Variants in HCRTR2 observed in about 807,000 individuals in gnomAD.
The protein encoded by HCRTR2 is hypocretin receptor 2.
In HCRTR2, 22 loss-of-function variants were observed where a neutral mutation model predicts 49.0. The ratio of observed to expected loss-of-function variants is 0.45; its 90% CI spans 0.32 to 0.64. The LOEUF is 0.64. HCRTR2 is among the 30% of genes least tolerant of loss of function. The pLI is 0.04. For synonymous variants in HCRTR2, 236 were observed against 205.3 expected, an observed-to-expected ratio of 1.15 and a Z score of -1.28; for missense variants, 491 against 559.4, an observed-to-expected ratio of 0.88 and a Z score of 1.23.
chr6:55,172,502 G>A (rs1319600854), upstream of HCRTR2, among the ~76,000 whole-genome samples: 1 of 152,040 alleles, frequency 6.6e-6, no homozygotes, highest in Non-Finnish European at 1.5e-5. Flanking sequence ...ATAATAAAAT[G>A]CCCATTGATG....
chr6:55,210,817 G>A (rs560212248), intron 1 of HCRTR2, among the ~76,000 whole-genome samples: 8 of 152,188 alleles, frequency 5.3e-5, no homozygotes, highest in Non-Finnish European at 1.0e-4. Context: ...ATTTTGTTGG[G>A]TACAATCTGA....
In HCRTR2 at chr6:55,248,810, A is replaced by G. The variant is rs1355406258; in HGVS notation, c.395A>G (p.Tyr132Cys). The G allele has an allele frequency of 1.9e-6, 3 of 1,612,648 alleles. No homozygotes were observed. In the South Asian group the frequency reaches 3.3e-5, roughly 18 times the overall value. The change falls in exon 2 of 7, where the codon TAT becomes TGT. Residue 132 changes from tyrosine to cysteine, a missense_variant. Transcript: ENST00000370862. ...FGQSLCKVIP[Y>C]LQTVSVSVSV... is the part of the protein sequence containing the mutation. The stretch of plus-strand genomic sequence containing the variant: ...CAGTCCCTTTGCAAAGTGATTCCTT[A>G]TCTACAGGTAATTGTTTTTAATGCT...
At chr6:55,279,519 T>TC (rs1290987796) in intron 5 of HCRTR2, among the ~76,000 whole-genome samples, 2 of 51,608 alleles carry the variant, frequency 3.9e-5, no homozygotes, top group African/African-American at 1.8e-4. Flanking sequence ...CTTCTTGCTG[T>TC]AACACACACA....
intron 1 of HCRTR2, among the ~76,000 whole-genome samples, chr6:55,132,070 T>C (rs943559804): frequency 2.0e-5 from 3 of 151,848 alleles, no homozygotes; most frequent in Admixed American, 6.6e-5. Context: ...ATTCTAAACA[T>C]ATATAGATAT....
chr6:55,257,815 A>G (rs973059047), intron 3 of HCRTR2, among the ~76,000 whole-genome samples: 3 of 151,910 alleles, frequency 2.0e-5, no homozygotes, highest in African/African-American at 7.2e-5. Context: ...TGATTTTATA[A>G]TAGCCTATAA....
At chr6:55,247,056 A>C (rs972034544) in intron 1 of HCRTR2, among the ~76,000 whole-genome samples, 2 of 152,216 alleles carry the variant, frequency 1.3e-5, no homozygotes, top group East Asian at 3.9e-4. Context: ...TTATTGACCA[A>C]GTACCAGAAA....
intron 1 of HCRTR2, among the ~76,000 whole-genome samples, chr6:55,218,293 A>T (rs1397580607): frequency 6.6e-6 from 1 of 152,234 alleles, no homozygotes; most frequent in Non-Finnish European, 1.5e-5. Context: ...AACCATAGTG[A>T]TGTCACTACA....
intron 1 of HCRTR2, among the ~76,000 whole-genome samples, chr6:55,120,460 G>A (rs911605528): frequency 6.6e-6 from 1 of 152,028 alleles, no homozygotes; most frequent in African/African-American, 2.4e-5. Flanking sequence ...TCTCGTTGAA[G>A]AAGTCCTTCA....
chr6:55,211,061 C>G (rs962968783), intron 1 of HCRTR2, among the ~76,000 whole-genome samples: 1 of 152,108 alleles, frequency 6.6e-6, no homozygotes, highest in South Asian at 2.1e-4. Flanking sequence ...GTGTTCAGTA[C>G]AGTTACATGC....
At chr6:55,178,966 A>T (rs565727548) in intron 1 of HCRTR2, among the ~76,000 whole-genome samples, 1 of 152,356 alleles carries the variant, frequency 6.6e-6, no homozygotes, top group African/African-American at 2.4e-5. Context: ...TAATATGTTG[A>T]TTTAACTCAT....
rs148967290 is a variant in HCRTR2 at position 55,177,035 on chromosome 6, C to G, written c.223+2225C>G. Among the ~76,000 whole-genome samples the G allele has an allele frequency of 2.6e-3, 389 of 152,250 alleles. 1 individual carries two copies. Among genetic ancestry groups the G allele is most frequent in the Admixed American group, 6.3e-3 (97 of 15,304 alleles). The stretch of plus-strand genomic sequence containing the variant: ...GCATAGACCTTGTAGTGAATAGTCT[C>G]CATATCCTAATTGCATAGTTTAGGG... On this transcript the variant is annotated intron_variant, in intron 1 of 6. Transcript: ENST00000370862.
upstream of HCRTR2, among the ~76,000 whole-genome samples, chr6:55,170,467 C>A (rs920960359): frequency 2.0e-5 from 3 of 151,240 alleles, no homozygotes; most frequent in African/African-American, 7.3e-5. Context: ...ATGTTAAGTC[C>A]TCTCTTTTAG....
intron 1 of HCRTR2, among the ~76,000 whole-genome samples, chr6:55,176,576 G>A (rs140348242): frequency 1.3e-5 from 2 of 152,234 alleles, no homozygotes; most frequent in East Asian, 1.9e-4. Context: ...AGCCCTTCAT[G>A]TACATTCTCT....
chr6:55,133,202 G>A (rs996290908), intron 1 of HCRTR2, among the ~76,000 whole-genome samples: 2 of 151,634 alleles, frequency 1.3e-5, no homozygotes, highest in South Asian at 2.1e-4. Flanking sequence ...TTTTTACCTC[G>A]GTACAGTCTA....
chr6:55,262,304 C>A (rs772064110), intron 3 of HCRTR2, among the ~76,000 whole-genome samples: 1 of 137,532 alleles, frequency 7.3e-6, no homozygotes. Context: ...TTCAGATTCC[C>A]GACATAATAT....
intron 3 of HCRTR2, 108 bp from the exon 4 acceptor site, chr6:55,263,599 A>G (rs2127322913): frequency 1.4e-6 from 1 of 698,140 alleles, no homozygotes; most frequent in South Asian, 1.5e-5. Context: ...TGACAATGAA[A>G]TCATATAAAA....
At chr6:55,172,620 T>C (rs763967028), upstream of HCRTR2, among the ~76,000 whole-genome samples, 4 of 152,152 alleles carry the variant, frequency 2.6e-5, no homozygotes, top group African/African-American at 4.8e-5. Flanking sequence ...TCCCAAAAAG[T>C]ATTCTATAAA....
intron 1 of HCRTR2, among the ~76,000 whole-genome samples, chr6:55,244,965 G>A (rs1231652118): frequency 6.6e-6 from 1 of 151,910 alleles, no homozygotes; most frequent in East Asian, 1.9e-4. Flanking sequence ...AAGATAAATT[G>A]CCTGTAGGTA....
chr6:55,268,986 A>T (rs1239281995), intron 4 of HCRTR2, among the ~76,000 whole-genome samples: 4 of 149,620 alleles, frequency 2.7e-5, no homozygotes, highest in Non-Finnish European at 4.4e-5. Context: ...GCTGCTCAGG[A>T]GGCTGAGGCA....
Sources: gnomAD v4.1 joint callset for allele counts (sites outside exome capture counted in the v4.1 genomes callset) on GRCh38, gnomAD v4.1.1 for gene constraint, MANE v1.5 for transcripts, NCBI Gene and HGNC (gene_info 2026-07-23, HGNC 2026-07-21) for gene names.